Variants in STAP1 observed in about 807,000 individuals in gnomAD.
STAP1 encodes the protein signal-transducing adaptor protein 1.
STAP1 carries 30 observed loss-of-function variants against 37.8 expected under a neutral mutation model. The observed-to-expected ratio is 0.79, with a 90% confidence interval of 0.59 to 1.08. The LOEUF (loss-of-function observed/expected upper bound fraction) is 1.08, where lower values mean the gene tolerates loss of function less well. Among genes scored for constraint, STAP1 ranks in the 50% least tolerant of loss-of-function variants. The pLI, the probability that STAP1 is intolerant of heterozygous loss-of-function variation, is 0.00. For synonymous variants in STAP1, 130 were observed against 116.0 expected, an observed-to-expected ratio of 1.12 and a Z score of -0.78; for missense variants, 357 against 349.4, an observed-to-expected ratio of 1.02 and a Z score of -0.17.
At chr4:67,578,494 G>C (rs1727776286) in intron 4 of STAP1, among the ~76,000 whole-genome samples, 1 of 152,154 alleles carries the variant, frequency 6.6e-6, no homozygotes, top group Non-Finnish European at 1.5e-5. Flanking sequence ...AAGCGGACCA[G>C]TTAAAGATGT....
intron 2 of STAP1, among the ~76,000 whole-genome samples, chr4:67,574,541 G>T (rs1229478014): frequency 3.3e-5 from 5 of 152,024 alleles, no homozygotes; most frequent in Admixed American, 2.6e-4. Flanking sequence ...GTCAATTTTT[G>T]TTCTATTTAG....
intron 2 of STAP1, among the ~76,000 whole-genome samples, chr4:67,571,540 A>C (rs1273081989): frequency 6.6e-6 from 1 of 152,180 alleles, no homozygotes; most frequent in East Asian, 1.9e-4. Context: ...GAACAAAATG[A>C]TCTCCAGAGC....
chr4:67,577,321 C>G (rs1429089452), intron 4 of STAP1, 62 bp downstream of exon 4: 1 of 1,453,634 alleles, frequency 6.9e-7, no homozygotes, highest in Non-Finnish European at 9.5e-7. Flanking sequence ...TGCTGAACAC[C>G]CTATGATCCA....
intron 7 of STAP1, among the ~76,000 whole-genome samples, chr4:67,591,175 A>G (rs755127391): frequency 4.6e-5 from 7 of 152,202 alleles, no homozygotes; most frequent in Non-Finnish European, 8.8e-5. Flanking sequence ...GTTTGCAGAG[A>G]AAGAAAAGTG....
chr4:67,567,235 T>C (rs139647291), intron 1 of STAP1, among the ~76,000 whole-genome samples: 1 of 152,352 alleles, frequency 6.6e-6, no homozygotes, highest in Non-Finnish European at 1.5e-5. Context: ...GTTTTATAAC[T>C]ACTTCTTTGA....
chr4:67,577,147 T>C, intron 3 of STAP1, 56 bp from the exon 4 acceptor site: 2 of 1,482,734 alleles, frequency 1.3e-6, no homozygotes, highest in Non-Finnish European at 1.8e-6. Flanking sequence ...TATTTTATGC[T>C]CAATCACTCA....
intron 4 of STAP1, 118 bp downstream of exon 4, chr4:67,577,377 C>A: frequency 5.1e-6 from 4 of 789,910 alleles, no homozygotes; most frequent in Non-Finnish European, 1.9e-6. Context: ...AAAAGATAGA[C>A]CTAAACTCTT....
At chr4:67,562,068 C>CAAAAAAAA (rs71219057) in intron 1 of STAP1, among the ~76,000 whole-genome samples, 5 of 77,256 alleles carry the variant, frequency 6.5e-5, no homozygotes, top group South Asian at 5.1e-4. Flanking sequence ...GAGACTCTGT[C>CAAAAAAAA]AAAAAAAAAA....
At chr4:67,603,532 C>A (rs1258390197) in intron 8 of STAP1, among the ~76,000 whole-genome samples, 2 of 152,122 alleles carry the variant, frequency 1.3e-5, no homozygotes, top group African/African-American at 4.8e-5. Context: ...AGGCCCACAG[C>A]AAGTACTGCT....
chr4:67,571,750 G>A (rs988031229), intron 2 of STAP1, among the ~76,000 whole-genome samples: 4 of 151,960 alleles, frequency 2.6e-5, no homozygotes, highest in African/African-American at 9.7e-5. Flanking sequence ...ACCTACCTTG[G>A]AACACTATAA....
intron 3 of STAP1, among the ~76,000 whole-genome samples, chr4:67,576,626 C>T (rs1727726351): frequency 6.6e-6 from 1 of 152,140 alleles, no homozygotes; most frequent in Admixed American, 6.5e-5. Context: ...CTCACCTTAG[C>T]CTCTCAAGTA....
chr4:67,596,645 T>A (rs912636502), intron 8 of STAP1, among the ~76,000 whole-genome samples: 1 of 152,208 alleles, frequency 6.6e-6, no homozygotes, highest in Non-Finnish European at 1.5e-5. Context: ...TGTTGGGAAC[T>A]CGAGTAAGAG....
At chr4:67,565,592 G>A (rs1266114552) in intron 1 of STAP1, among the ~76,000 whole-genome samples, 1 of 152,030 alleles carries the variant, frequency 6.6e-6, no homozygotes, top group Non-Finnish European at 1.5e-5. Context: ...TTTTTTTAAA[G>A]TGCCTGACAT....
intron 1 of STAP1, among the ~76,000 whole-genome samples, chr4:67,561,027 G>A (rs769358584): frequency 6.6e-6 from 1 of 152,108 alleles, no homozygotes; most frequent in Non-Finnish European, 1.5e-5. Context: ...GGTGGTTTCA[G>A]GGATTAAAGG....
chr4:67,574,223 T>C (rs1422683669), intron 2 of STAP1, among the ~76,000 whole-genome samples: 1 of 152,130 alleles, frequency 6.6e-6, no homozygotes, highest in Admixed American at 6.6e-5. Flanking sequence ...GACAATTGAT[T>C]CTCACAGAAT....
Position 67,558,789 on chromosome 4 carries a change from C to T in STAP1, c.-21C>T. The T allele has an allele frequency of 6.3e-7, 1 of 1,598,856 alleles. No individual in the cohort carries two copies. The highest frequency in any genetic ancestry group is 1.1e-5 in the South Asian group (1 of 88,476). On this transcript the variant is annotated 5_prime_UTR_variant, in exon 1 of 9. Coordinates refer to ENST00000265404, the MANE Select transcript of STAP1 (RefSeq NM_012108.4). Reference sequence around the variant, plus strand: ...ATTTTGTTTGAGACGAGAAACCAAACCACACACCAAAGAGAGGGGTATGAT... The same window carrying T: ...ATTTTGTTTGAGACGAGAAACCAAATCACACACCAAAGAGAGGGGTATGAT...
intron 8 of STAP1, among the ~76,000 whole-genome samples, chr4:67,601,709 C>A (rs976062409): frequency 2.0e-4 from 31 of 152,136 alleles, no homozygotes; most frequent in Admixed American, 2.0e-3. Context: ...GAGAAGTCTG[C>A]TGGCAAATGT....
chr4:67,603,216 G>C (rs181166197), intron 8 of STAP1, among the ~76,000 whole-genome samples: 9 of 152,168 alleles, frequency 5.9e-5, no homozygotes, highest in African/African-American at 1.4e-4. Context: ...AAGGCCCAAG[G>C]GCTCTTCAAT....
At chr4:67,592,637 A>C (rs993613356) in intron 7 of STAP1, among the ~76,000 whole-genome samples, 1 of 152,188 alleles carries the variant, frequency 6.6e-6, no homozygotes, top group African/African-American at 2.4e-5. Flanking sequence ...ACTCAAGTTC[A>C]AATTTCAGAA....
Sources: allele counts gnomAD v4.1 joint callset (sites outside exome capture counted in the v4.1 genomes callset), GRCh38; gene constraint gnomAD v4.1.1; transcripts MANE v1.5; gene names NCBI Gene and HGNC (gene_info 2026-07-23, HGNC 2026-07-21).